Variants in PIK3R4 observed in about 807,000 individuals in gnomAD.
The protein encoded by PIK3R4 is phosphoinositide-3-kinase regulatory subunit 4.
In PIK3R4, 46 loss-of-function variants were observed where a neutral mutation model predicts 136.5. The observed-to-expected ratio is 0.34, with a 90% CI of 0.27 to 0.43. The LOEUF is 0.43. Among genes scored for constraint, PIK3R4 ranks in the 20% least tolerant of loss-of-function variants. The pLI, the probability that PIK3R4 is intolerant of heterozygous loss-of-function variation, is 1.00. For missense variants in PIK3R4, 1,331 were observed against 1,649.5 expected, an observed-to-expected ratio of 0.81 and a Z score of 3.35; for synonymous variants, 557 against 566.7, an observed-to-expected ratio of 0.98 and a Z score of 0.24.
At position 130,708,288 on chromosome 3, in the gene PIK3R4, A is replaced by AACC; in HGVS notation, c.2533_2533+2dup. 1 of 1,611,244 alleles carries AACC rather than the reference A, an allele frequency of 6.2e-7. No homozygotes were observed. Among genetic ancestry groups the AACC allele is most frequent in the Non-Finnish European group, 8.5e-7 (1 of 1,177,552 alleles). ...CTACACACACACAAACAAGCATACT[A>AACC]ACCCCGTTTGTCATCTGGTTCTTGT... On this transcript the variant is annotated splice_region_variant and intron_variant, in intron 10 of 19. Coordinates refer to ENST00000356763, the MANE Select transcript of PIK3R4 (RefSeq NM_014602.3).
chr3:130,706,985 G>A lies in PIK3R4; in HGVS notation c.2684C>T (p.Ser895Phe), dbSNP rs957655861. 4.3e-6 allele frequency: 7 copies of A among 1,612,268 alleles called. No individual in the cohort carries two copies. In the African/African-American group the frequency reaches 6.7e-5, roughly 15 times the overall value. Residue 895 changes from serine (S) to phenylalanine (F), a missense_variant, in exon 11 of 20, where the codon TCT (serine) becomes TTT (phenylalanine). Ser to Phe is a radical substitution (Grantham distance 155, BLOSUM62 -2). Coordinates refer to ENST00000356763, the MANE Select transcript of PIK3R4 (RefSeq NM_014602.3). ...QTGKPPRSES[S>F]AGICVPLSTS... ...TGACAAAGGGACACAAATGCCAGCA[G>A]AGGACTCGGAACGAGGAGGTTTCCC...
rs1006009593 is a variant in PIK3R4 at position 130,679,209 on chromosome 3, A to T, written c.*106T>A. 42 of 633,378 alleles carry T rather than the reference A, an allele frequency of 6.6e-5. No homozygotes were observed. In the Admixed American group the frequency reaches 1.4e-3, roughly 21 times the overall value. 39.2% of individuals were successfully genotyped at this position (633,378 alleles called of 1,614,324 possible). A position where few individuals can be genotyped will look rare whatever the true frequency, so the allele number is the denominator to read the frequency against. ...TCAGTCATGAAACAGTAATATGGAG[A>T]CATAATTTTGAAAATTAAGCAAATG... On this transcript the variant is annotated 3_prime_UTR_variant, in exon 20 of 20. Transcript: ENST00000356763.
At chr3:130,712,333 G>A (rs1333182185) in intron 9 of PIK3R4, among the ~76,000 whole-genome samples, 2 of 152,088 alleles carry the variant, frequency 1.3e-5, no homozygotes, top group African/African-American at 2.4e-5. Flanking sequence ...CCTGCTTGCA[G>A]AAGCTAAAAA....
At chr3:130,710,391 C>T (rs1399079094) in intron 9 of PIK3R4, among the ~76,000 whole-genome samples, 4 of 151,856 alleles carry the variant, frequency 2.6e-5, no homozygotes, top group Non-Finnish European at 4.4e-5. Flanking sequence ...AACATTCTTC[C>T]AATAATCATC....
chr3:130,703,641 C>T, intron 13 of PIK3R4, 82 bp downstream of exon 13: 7 of 1,017,622 alleles, frequency 6.9e-6, no homozygotes, highest in Non-Finnish European at 1.0e-5. Flanking sequence ...GTACCCAAAA[C>T]AGTGGTTATT....
intron 6 of PIK3R4, 96 bp from the exon 7 acceptor site, chr3:130,723,683 TA>T: frequency 1.0e-6 from 1 of 987,420 alleles, no homozygotes; most frequent in Non-Finnish European, 1.5e-6. Context: ...CCAAACATAT[TA>T]ATCAATTACC....
chr3:130,722,441 C>T (rs543937532), intron 7 of PIK3R4, among the ~76,000 whole-genome samples: 2 of 152,056 alleles, frequency 1.3e-5, no homozygotes, highest in Non-Finnish European at 2.9e-5. Context: ...GGGTAAAAAA[C>T]TATTTTCATG....
intron 13 of PIK3R4, among the ~76,000 whole-genome samples, chr3:130,701,143 A>C (rs1020846401): frequency 5.9e-5 from 9 of 152,198 alleles, no homozygotes; most frequent in Admixed American, 1.3e-4. Context: ...AAAGGGGACA[A>C]TGAATCCAAC....
intron 9 of PIK3R4, among the ~76,000 whole-genome samples, chr3:130,711,018 GA>G (rs112435668): frequency 0.23 from 29,986 of 131,350 alleles, 3,210 homozygotes; most frequent in South Asian, 0.38. Flanking sequence ...GAAAAGGAAA[GA>G]AAAAAAAAAA....
intron 13 of PIK3R4, among the ~76,000 whole-genome samples, chr3:130,694,203 G>C (rs1362830239): frequency 1.3e-5 from 2 of 151,962 alleles, no homozygotes; most frequent in Non-Finnish European, 2.9e-5. Flanking sequence ...TTGAAATACA[G>C]AAGTGTGAGT....
chr3:130,733,640 C>G lies in PIK3R4; in HGVS notation c.1358G>C (p.Arg453Pro). 1 of 1,614,032 alleles carries G rather than the reference C, an allele frequency of 6.2e-7. No individual in the cohort carries two copies. Among genetic ancestry groups the G allele is most frequent in the Non-Finnish European group, 8.5e-7 (1 of 1,179,898 alleles). The change falls in exon 4 of 20, where the codon CGT (arginine) becomes CCT (proline). Residue 453 changes from arginine to proline, a missense_variant. By Grantham distance (103) the Arg-to-Pro change is moderately radical (BLOSUM62 -2). This residue lies in a region of PIK3R4 where 1,180 missense variants were observed against 1,407.0 expected (regional missense o/e 0.84). Coordinates refer to ENST00000356763, the MANE Select transcript of PIK3R4 (RefSeq NM_014602.3). The part of the protein sequence containing the change: ...KVLALVKEVP[R>P]NDINIYPEYI... ...TTCCGGATAAATATTGATATCATTA[C>G]GAGGAACCTCTTTGACGAGAGCAAG... is the stretch of plus-strand genomic sequence containing the variant.
At chr3:130,701,971 TAA>T (rs74341380) in intron 13 of PIK3R4, among the ~76,000 whole-genome samples, 2 of 148,386 alleles carry the variant, frequency 1.3e-5, no homozygotes, top group Non-Finnish European at 3.0e-5. Context: ...ATTTCTCAAG[TAA>T]AAAAAAAAAT....
Position 130,716,438 on chromosome 3 carries a change from C to T in PIK3R4, c.2289G>A (p.Glu763=), listed in dbSNP as rs2107612507. 6.2e-7 allele frequency: 1 copy of T among 1,614,210 alleles called. No individual in the cohort carries two copies. The highest frequency in any genetic ancestry group is 1.6e-4 in the Middle Eastern group (1 of 6,062). Residue 763 remains glutamate (E), a synonymous_variant, in exon 9 of 20, where the codon GAG becomes GAA. Transcript: ENST00000356763. ...NGSLPDCPPP[E]DPAIAQLLKK... ...TCAGAAGCTGTGCTATGGCAGGATC[C>T]TCTGGCGGAGGGCAGTCGGGAAGAG...
Position 130,703,880 on chromosome 3 carries a change from G to A in PIK3R4, c.2941C>T (p.Pro981Ser). Residue 981 changes from proline to serine, a missense_variant, in exon 13 of 20, where the codon CCT becomes TCT. This residue lies in a region of PIK3R4 where 1,180 missense variants were observed against 1,407.0 expected (regional missense o/e 0.84). Coordinates refer to ENST00000356763, the MANE Select transcript of PIK3R4 (RefSeq NM_014602.3). ...AGATGGGCAACTAACAGCCCTTTAG[G>A]ACGCCATCCTAAGGAAAAGCAAAGG... The part of the protein sequence containing the change: ...ESKPPPPGWR[P>S]KGLLVAHLHE... 5.0e-6 allele frequency: 8 copies of A among 1,608,770 alleles called. No individual in the cohort carries two copies. The highest frequency in any genetic ancestry group is 6.8e-6 in the Non-Finnish European group (8 of 1,176,560).
intron 6 of PIK3R4, among the ~76,000 whole-genome samples, chr3:130,726,445 C>T (rs1442730069): frequency 6.6e-6 from 1 of 152,034 alleles, no homozygotes; most frequent in Non-Finnish European, 1.5e-5. Context: ...GATAGGTAAA[C>T]TAAGCCACAA....
At chr3:130,690,371 A>G in intron 14 of PIK3R4, 119 bp downstream of exon 14, 1 of 464,622 alleles carries the variant, frequency 2.2e-6, no homozygotes. Context: ...GGGCTTAAAA[A>G]AAGAAGTGCA....
intron 13 of PIK3R4, among the ~76,000 whole-genome samples, chr3:130,694,296 C>A (rs556510669): frequency 6.6e-6 from 1 of 151,286 alleles, no homozygotes; most frequent in East Asian, 1.9e-4. Flanking sequence ...AGGATCAGAT[C>A]ATCGATTTCA....
intron 2 of PIK3R4, among the ~76,000 whole-genome samples, chr3:130,739,227 C>T (rs1404911260): frequency 3.3e-5 from 5 of 152,202 alleles, no homozygotes; most frequent in Admixed American, 6.5e-5. Flanking sequence ...CAGGCGCCTG[C>T]CACCGCGCCC....
chr3:130,738,231 G>GT (rs527490944), intron 2 of PIK3R4, among the ~76,000 whole-genome samples: 2 of 152,306 alleles, frequency 1.3e-5, no homozygotes, highest in South Asian at 4.1e-4. Flanking sequence ...GCTAATGTAA[G>GT]TAAGTTTCTG....
Sources: allele counts gnomAD v4.1 joint callset (sites outside exome capture counted in the v4.1 genomes callset), GRCh38; gene constraint gnomAD v4.1.1; regional missense constraint gnomAD v4.1.1; transcripts MANE v1.5; gene names NCBI Gene and HGNC (gene_info 2026-07-23, HGNC 2026-07-21).